Variants in KDM5A observed in about 807,000 individuals in gnomAD.
KDM5A encodes lysine-specific demethylase 5A.
KDM5A carries 42 observed loss-of-function variants against 193.5 expected under a neutral mutation model. That is an observed-to-expected ratio of 0.22 (90% CI 0.17 to 0.28). KDM5A has a LOEUF of 0.28. KDM5A is among the 10% of genes least tolerant of loss of function. The pLI, the probability that KDM5A is intolerant of heterozygous loss-of-function variation, is 1.00. For synonymous variants in KDM5A, 796 were observed against 718.1 expected (o/e 1.11, Z -1.73); for missense variants, 1,692 against 2,055.1 (o/e 0.82, Z 3.42).
At chr12:370,544 C>A (rs903936245) in intron 3 of KDM5A, among the ~76,000 whole-genome samples, 1 of 151,992 alleles carries the variant, frequency 6.6e-6, no homozygotes, top group African/African-American at 2.4e-5. Flanking sequence ...ACAATGAAGA[C>A]AAGCCGTTTA....
At chr12:355,895 G>C (rs1353512354) in intron 6 of KDM5A, among the ~76,000 whole-genome samples, 2 of 152,154 alleles carry the variant, frequency 1.3e-5, no homozygotes, top group Non-Finnish European at 2.9e-5. Flanking sequence ...GTTACATAGA[G>C]AGAACAGTGG....
chr12:388,011 G>A (rs1371557756), intron 1 of KDM5A, among the ~76,000 whole-genome samples: 3 of 152,100 alleles, frequency 2.0e-5, no homozygotes, highest in African/African-American at 7.2e-5. Flanking sequence ...AGAATCATCT[G>A]AGACTAGTTG....
At chr12:313,032 G>A in intron 20 of KDM5A, 24 bp downstream of exon 20, 1 of 1,611,914 alleles carries the variant, frequency 6.2e-7, no homozygotes, top group Admixed American at 1.7e-5. Context: ...CCTGATAGGT[G>A]GGATAATCCA....
chr12:380,997 A>T (rs11062672), intron 3 of KDM5A, among the ~76,000 whole-genome samples: 10,339 of 148,000 alleles, frequency 0.07, 806 homozygotes, highest in East Asian at 0.35. Flanking sequence ...GTTTTATTTT[A>T]TTTTTTTTTT....
Position 285,422 on chromosome 12 carries a change from T to C in KDM5A, c.*34A>G, listed in dbSNP as rs193116216. 13 of 1,572,366 alleles carry C rather than the reference T, an allele frequency of 8.3e-6. No individual in the cohort carries two copies. The highest frequency in any genetic ancestry group is 8.1e-5 in the African/African-American group (6 of 74,188). On this transcript the variant is annotated 3_prime_UTR_variant, in exon 28 of 28. Transcript: ENST00000399788. ...ATGACTAAGGTCTCAATGTGGTCCA[T>C]GTCCCCCCATGTCCCAAACTAACCA... is the stretch of plus-strand genomic sequence containing the variant.
rs755422866 is a variant in KDM5A at position 328,955 on chromosome 12, T to G, written c.1848A>C (p.Leu616=). Residue 616 remains leucine, a synonymous_variant, in exon 14 of 28, where the codon CTA becomes CTC. Coordinates refer to ENST00000399788, the MANE Select transcript of KDM5A (RefSeq NM_001042603.3). Reference sequence around the variant, plus strand: ...CTGGATCTGCTGCCATCTTGAAAATTAGTTCCTCGTGTGAAAAGACACAGT... The same window carrying G: ...CTGGATCTGCTGCCATCTTGAAAATGAGTTCCTCGTGTGAAAAGACACAGT... ...RRHCVFSHEE[L]IFKMAADPEC... 1.9e-6 allele frequency: 3 copies of G among 1,614,248 alleles called. No homozygotes were observed. In the South Asian group the frequency reaches 3.3e-5, roughly 18 times the overall value.
intron 5 of KDM5A, among the ~76,000 whole-genome samples, chr12:361,915 C>T (rs114721181): frequency 2.3e-3 from 348 of 152,150 alleles, no homozygotes; most frequent in African/African-American, 7.4e-3. Flanking sequence ...AATGGCATAA[C>T]GGAGAGATAG....
Position 280,307 on chromosome 12 carries a change from T to C in KDM5A, c.*5149A>G, listed in dbSNP as rs1300726235. ...TTCCATTTATTGGTATCAACCACAA[T>C]AGCAAGACCCCCAAGAAATACTTGA... is the stretch of plus-strand genomic sequence containing the variant. On this transcript the variant is annotated 3_prime_UTR_variant, in exon 28 of 28. Transcript: ENST00000399788. The C allele has an allele frequency of 4.3e-6, 1 of 232,964 alleles. No individual in the cohort carries two copies. The highest frequency in any genetic ancestry group is 6.0e-5 in the East Asian group (1 of 16,572). The allele number at this position is 232,964 out of a possible 1,614,324, so 14.4% of individuals were successfully genotyped here.
intron 9 of KDM5A, among the ~76,000 whole-genome samples, chr12:351,598 G>T (rs1430902222): frequency 6.6e-6 from 1 of 152,088 alleles, no homozygotes; most frequent in Non-Finnish European, 1.5e-5. Flanking sequence ...AATAACTAAA[G>T]AAAAGCAGCA....
intron 17 of KDM5A, chr12:322,114 T>G: frequency 3.1e-6 from 1 of 321,190 alleles, no homozygotes; most frequent in Non-Finnish European, 5.8e-6. Flanking sequence ...AAGAGGTAGG[T>G]AAGGGAACAA....
At chr12:353,285 G>A (rs556252812) in intron 8 of KDM5A, among the ~76,000 whole-genome samples, 8 of 152,152 alleles carry the variant, frequency 5.3e-5, no homozygotes, top group South Asian at 2.1e-4. Flanking sequence ...AGCTGAGACC[G>A]CGCCACTGCA....
intron 13 of KDM5A, among the ~76,000 whole-genome samples, chr12:331,405 T>C (rs928091669): frequency 6.6e-6 from 1 of 152,138 alleles, no homozygotes; most frequent in African/African-American, 2.4e-5. Flanking sequence ...AAAAGAAGGA[T>C]TCAGAAAGAA....
intron 26 of KDM5A, among the ~76,000 whole-genome samples, chr12:293,787 AAGG>A (rs1943334361): frequency 9.2e-6 from 1 of 108,702 alleles, no homozygotes; most frequent in African/African-American, 3.4e-5. Context: ...TCAAAAAAAA[AAGG>A]GGGGGGGGGG....
chr12:329,819 C>G (rs934333753), intron 13 of KDM5A, among the ~76,000 whole-genome samples: 1 of 152,072 alleles, frequency 6.6e-6, no homozygotes, highest in Non-Finnish European at 1.5e-5. Context: ...TATACGCACT[C>G]CAACTTCAAC....
intron 24 of KDM5A, among the ~76,000 whole-genome samples, chr12:303,277 G>C (rs2137380778): frequency 6.6e-6 from 1 of 152,320 alleles, no homozygotes; most frequent in South Asian, 2.1e-4. Flanking sequence ...GCCCACCAAT[G>C]ATAGAATAGA....
intron 3 of KDM5A, among the ~76,000 whole-genome samples, chr12:379,097 G>C (rs1944543897): frequency 1.3e-5 from 2 of 151,974 alleles, no homozygotes; most frequent in African/African-American, 4.8e-5. Context: ...TCATGCTGAT[G>C]ACTTAATGAC....
chr12:386,045 A>T, intron 1 of KDM5A, 71 bp from the exon 2 acceptor site: 2 of 1,231,642 alleles, frequency 1.6e-6, no homozygotes, highest in East Asian at 2.3e-5. Flanking sequence ...ATTCCCTTAA[A>T]GGGGGGTTTT....
intron 16 of KDM5A, 84 bp downstream of exon 16, chr12:322,998 A>G: frequency 1.9e-6 from 3 of 1,580,304 alleles, no homozygotes; most frequent in Non-Finnish European, 2.6e-6. Flanking sequence ...TCTTTTACGG[A>G]AGGAAAAAAC....
At position 285,321 on chromosome 12, in the gene KDM5A, G is replaced by A; in HGVS notation, c.*135C>T. 1.4e-6 allele frequency: 1 copy of A among 730,372 alleles called. No homozygotes were observed. Among genetic ancestry groups the A allele is most frequent in the Non-Finnish European group, 2.4e-6 (1 of 418,826 alleles). 45.2% of individuals were successfully genotyped at this position (730,372 alleles called of 1,614,324 possible). On this transcript the variant is annotated 3_prime_UTR_variant, in exon 28 of 28. Coordinates refer to ENST00000399788, the MANE Select transcript of KDM5A (RefSeq NM_001042603.3). ...CAGAGTCCATGCAAAGAGGAAGCCAGCACTAAGGGGACTTTCTCTGAAGGC... is the reference window on the plus strand; with the variant it reads ...CAGAGTCCATGCAAAGAGGAAGCCAACACTAAGGGGACTTTCTCTGAAGGC...
Sources: gnomAD v4.1 joint callset for allele counts (sites outside exome capture counted in the v4.1 genomes callset) on GRCh38, gnomAD v4.1.1 for gene constraint, MANE v1.5 for transcripts, NCBI Gene and HGNC (gene_info 2026-07-23, HGNC 2026-07-21) for gene names.